GALNT7: variants seen among roughly 807,000 people sequenced by gnomAD.
GALNT7 encodes polypeptide N-acetylgalactosaminyltransferase 7.
GALNT7 carries 60 observed loss-of-function variants against 82.1 expected under a neutral mutation model. The ratio of observed to expected loss-of-function variants is 0.73; its 90% CI spans 0.59 to 0.91. GALNT7 has a LOEUF of 0.91. Ranked by LOEUF, GALNT7 falls within the 40% of genes least tolerant of loss-of-function variation. The probability of loss-of-function intolerance (pLI) is 0.00; values close to 1 mark genes in which losing one functional copy is unlikely to be tolerated. For missense variants in GALNT7, 660 were observed against 804.2 expected (o/e 0.82, Z 2.17); for synonymous variants, 243 against 275.1 (o/e 0.88, Z 1.15).
intron 1 of GALNT7, among the ~76,000 whole-genome samples, chr4:173,182,608 G>A (rs886307282): frequency 4.6e-5 from 7 of 151,988 alleles, no homozygotes; most frequent in African/African-American, 1.5e-4. Flanking sequence ...AACTTGCCAT[G>A]TGGGCACACA....
chr4:173,253,973 C>T (rs990253689), intron 2 of GALNT7, among the ~76,000 whole-genome samples: 4 of 152,152 alleles, frequency 2.6e-5, no homozygotes, highest in Admixed American at 1.3e-4. Flanking sequence ...AGCAGACAAT[C>T]GGAGGTATTC....
chr4:173,279,951 G>T (rs1056252594), intron 2 of GALNT7, among the ~76,000 whole-genome samples: 1 of 152,054 alleles, frequency 6.6e-6, no homozygotes, highest in African/African-American at 2.4e-5. Context: ...CTCCAGCTGG[G>T]TGATAGAGCG....
chr4:173,288,252 C>T (rs1736403377), intron 2 of GALNT7, among the ~76,000 whole-genome samples: 1 of 132,642 alleles, frequency 7.5e-6, no homozygotes, highest in Non-Finnish European at 1.5e-5. Context: ...CACTGCACTC[C>T]AGCCTGGGCG....
chr4:173,253,706 A>G (rs1203721418), intron 2 of GALNT7, among the ~76,000 whole-genome samples: 2 of 152,164 alleles, frequency 1.3e-5, no homozygotes, highest in Non-Finnish European at 2.9e-5. Context: ...GGTGCCATTA[A>G]CAGAAAGAGG....
intron 2 of GALNT7, among the ~76,000 whole-genome samples, chr4:173,255,112 G>C (rs1465376805): frequency 6.6e-6 from 1 of 152,294 alleles, no homozygotes; most frequent in Non-Finnish European, 1.5e-5. Flanking sequence ...CAGCAGTTTA[G>C]GGAGGTACCA....
chr4:173,229,437 T>C (rs566517576), intron 1 of GALNT7, among the ~76,000 whole-genome samples: 14 of 152,318 alleles, frequency 9.2e-5, no homozygotes, highest in African/African-American at 3.4e-4. Context: ...CAAAGATAAC[T>C]ATCAATTTAT....
rs547516830 is a variant in GALNT7 at position 173,320,556 on chromosome 4, C to T, written c.1837-1024C>T. On this transcript the variant is annotated intron_variant, in intron 11 of 11. Transcript: ENST00000265000. The surrounding 1 kb of genome is among the most constrained non-coding windows in gnomAD (Gnocchi z 4.1). ...TTGGTCTGATCTGAAATGTTGTTTT[C>T]GTTCAAGTATATGAGGGAAACCCAG... Among the ~76,000 whole-genome samples, 20 of 152,114 alleles carry T rather than the reference C, an allele frequency of 1.3e-4. No homozygotes were observed. In the East Asian group the frequency reaches 2.9e-3, roughly 22 times the overall value.
At chr4:173,297,991 C>G (rs773630339) in intron 5 of GALNT7, 124 bp from the exon 6 acceptor site, 10 of 1,504,958 alleles carry the variant, frequency 6.6e-6, no homozygotes, top group Non-Finnish European at 8.8e-6. Context: ...AAGACTATTA[C>G]TTTATTTTCT....
In GALNT7 at chr4:173,190,888, C is replaced by T. The variant is rs370853132; in HGVS notation, c.126+21927C>T. 6.3e-4 allele frequency among the ~76,000 whole-genome samples: 96 copies of T among 152,126 alleles called. 2 individuals are homozygous for T. The East Asian group carries it at 0.014, about 21-fold the overall frequency. On this transcript the variant is annotated intron_variant, in intron 1 of 11. Transcript: ENST00000265000. ...TCCTGTATCAGAAATGTAGAGGAGG[C>T]GTGGAATTGGCAAAGATTTGTTACC... is the stretch of plus-strand genomic sequence containing the variant.
chr4:173,245,225 A>G (rs1734583943), intron 1 of GALNT7, among the ~76,000 whole-genome samples: 1 of 152,124 alleles, frequency 6.6e-6, no homozygotes, highest in African/African-American at 2.4e-5. Flanking sequence ...CAAAAAAAAA[A>G]AAAAAAAACA....
chr4:173,177,727 C>G (rs1390436584), intron 1 of GALNT7, among the ~76,000 whole-genome samples: 1 of 152,122 alleles, frequency 6.6e-6, no homozygotes. Context: ...GCTGTGGAAG[C>G]ATTACCTGCC....
At chr4:173,209,989 TG>T (rs1309694927) in intron 1 of GALNT7, among the ~76,000 whole-genome samples, 1 of 151,700 alleles carries the variant, frequency 6.6e-6, no homozygotes, top group Non-Finnish European at 1.5e-5. Context: ...AAAAATTAGC[TG>T]GGGGTAGAGG....
At chr4:173,209,356 T>C (rs1733199612) in intron 1 of GALNT7, among the ~76,000 whole-genome samples, 1 of 152,238 alleles carries the variant, frequency 6.6e-6, no homozygotes, top group Non-Finnish European at 1.5e-5. Context: ...TATTTCTTTC[T>C]AGCTAGGCAG....
At position 173,195,586 on chromosome 4, in the gene GALNT7, C is replaced by T. The variant is rs1732750581; in HGVS notation, c.126+26625C>T. On this transcript the variant is annotated intron_variant, in intron 1 of 11. Transcript: ENST00000265000. ...CTGAGTATAACCCCAAAACATATTT[C>T]TTCTCTAGGAACACTAGATCCTGAA... Among the ~76,000 whole-genome samples, 5 of 152,208 alleles carry T rather than the reference C, an allele frequency of 3.3e-5. 1 individual carries two copies. In the South Asian group the frequency reaches 1.0e-3, roughly 31 times the overall value.
chr4:173,223,415 C>G (rs573063081), intron 1 of GALNT7, among the ~76,000 whole-genome samples: 1 of 152,102 alleles, frequency 6.6e-6, no homozygotes, highest in East Asian at 1.9e-4. Flanking sequence ...TCACTTTGAT[C>G]TAAGAGAAGC....
In GALNT7 at chr4:173,174,850, G is replaced by C. The variant is rs1188180757; in HGVS notation, c.126+5889G>C. ...GAATGCACAGTTACTAGTAAAGAGA[G>C]AATGAAAACTTTTGAACAGCAGTCT... On this transcript the variant is annotated intron_variant, in intron 1 of 11. Coordinates refer to ENST00000265000, the MANE Select transcript of GALNT7 (RefSeq NM_017423.3). 3.9e-5 allele frequency among the ~76,000 whole-genome samples: 6 copies of C among 152,342 alleles called. No homozygotes were observed. In the South Asian group the frequency reaches 8.3e-4, roughly 21 times the overall value.
At chr4:173,236,670 A>G (rs960946793) in intron 1 of GALNT7, among the ~76,000 whole-genome samples, 44 of 152,074 alleles carry the variant, frequency 2.9e-4, no homozygotes, top group African/African-American at 1.0e-3. Flanking sequence ...CCTTTTCCTC[A>G]TGCCCCACCT....
chr4:173,227,008 A>G (rs1268764144), intron 1 of GALNT7, among the ~76,000 whole-genome samples: 1 of 152,202 alleles, frequency 6.6e-6, no homozygotes, highest in African/African-American at 2.4e-5. Flanking sequence ...TCTAAACTGG[A>G]AATGAAATGC....
chr4:173,178,134 G>A (rs1476585259), intron 1 of GALNT7, among the ~76,000 whole-genome samples: 4 of 151,474 alleles, frequency 2.6e-5, no homozygotes, highest in African/African-American at 9.7e-5. Flanking sequence ...GATAGATATT[G>A]CAACACATAT....
Sources: allele counts gnomAD v4.1 joint callset (sites outside exome capture counted in the v4.1 genomes callset), GRCh38; gene constraint gnomAD v4.1.1; non-coding constraint Gnocchi (gnomAD v3.1); transcripts MANE v1.5; gene names NCBI Gene and HGNC (gene_info 2026-07-23, HGNC 2026-07-21).